The following DAB1 variants were observed in gnomAD, a reference collection of about 807,000 sequenced individuals.
DAB1 encodes disabled homolog 1.
DAB1 carries 15 observed loss-of-function variants against 64.6 expected under a neutral mutation model. The observed-to-expected ratio is 0.23, with a 90% CI of 0.16 to 0.36. The LOEUF is 0.36. Among genes scored for constraint, DAB1 ranks in the 10% least tolerant of loss-of-function variants. DAB1 has a pLI of 1.00. For synonymous variants in DAB1, 235 were observed against 251.9 expected (o/e 0.93, Z 0.64); for missense variants, 596 against 706.7 (o/e 0.84, Z 1.78).
intron 7 of DAB1, among the ~76,000 whole-genome samples, chr1:57,507,101 G>A (rs990259981): frequency 5.9e-5 from 9 of 151,984 alleles, no homozygotes; most frequent in Non-Finnish European, 1.0e-4. Context: ...AAACGTAATG[G>A]CTCCCCACTG....
At chr1:58,035,533 C>A (rs1178088901) in intron 5 of DAB1, among the ~76,000 whole-genome samples, 1 of 152,170 alleles carries the variant, frequency 6.6e-6, no homozygotes. Flanking sequence ...GAAACTGAGG[C>A]CCAAAGAGGA....
chr1:57,709,943 A>G (rs949776392), intron 6 of DAB1, among the ~76,000 whole-genome samples: 6 of 152,106 alleles, frequency 3.9e-5, no homozygotes, highest in African/African-American at 1.4e-4. Context: ...GCAAGTTTCC[A>G]GCTTGCTTTT....
At chr1:57,592,531 G>A (rs1186485879) in intron 7 of DAB1, among the ~76,000 whole-genome samples, 1 of 151,972 alleles carries the variant, frequency 6.6e-6, no homozygotes, top group South Asian at 2.1e-4. Context: ...CCACATTAGT[G>A]AGGAGTCTTC....
intron 7 of DAB1, among the ~76,000 whole-genome samples, chr1:57,444,661 A>G (rs1349142477): frequency 6.6e-6 from 1 of 152,220 alleles, no homozygotes; most frequent in Non-Finnish European, 1.5e-5. Flanking sequence ...AACAGAGAGA[A>G]GAGGAAGAGG....
chr1:58,454,513 G>A (rs544344851), intron 3 of DAB1, among the ~76,000 whole-genome samples: 4 of 152,272 alleles, frequency 2.6e-5, no homozygotes, highest in African/African-American at 7.2e-5. Context: ...AAGCTTTGTC[G>A]ACGGATGTCA....
At chr1:57,438,676 G>A (rs954063225) in intron 7 of DAB1, among the ~76,000 whole-genome samples, 3 of 152,098 alleles carry the variant, frequency 2.0e-5, no homozygotes, top group African/African-American at 4.8e-5. Context: ...TATCCAAAGG[G>A]ATAGTAACAT....
At chr1:57,184,424 A>C (rs1298357224) in intron 2 of DAB1, among the ~76,000 whole-genome samples, 2 of 152,166 alleles carry the variant, frequency 1.3e-5, no homozygotes, top group East Asian at 3.9e-4. Flanking sequence ...CTTGAAGTGC[A>C]TACCTGATCA....
chr1:57,363,943 G>GT (rs1190195235), intron 1 of DAB1, among the ~76,000 whole-genome samples: 2 of 152,104 alleles, frequency 1.3e-5, no homozygotes, highest in Non-Finnish European at 2.9e-5. Flanking sequence ...GTCCTAGAGA[G>GT]TTTTTTTAAA....
At chr1:57,301,551 A>C (rs1439656457) in intron 1 of DAB1, among the ~76,000 whole-genome samples, 1 of 152,210 alleles carries the variant, frequency 6.6e-6, no homozygotes, top group Non-Finnish European at 1.5e-5. Context: ...AAAGACAAGT[A>C]TTTAACATGG....
At chr1:57,311,055 C>T (rs185692204) in intron 1 of DAB1, among the ~76,000 whole-genome samples, 11 of 152,088 alleles carry the variant, frequency 7.2e-5, no homozygotes, top group Non-Finnish European at 1.0e-4. Flanking sequence ...GACAGACAAG[C>T]GGCAGAACTC....
chr1:57,519,178 T>G (rs1300533488), intron 7 of DAB1, among the ~76,000 whole-genome samples: 1 of 152,198 alleles, frequency 6.6e-6, no homozygotes, highest in Non-Finnish European at 1.5e-5. Flanking sequence ...CTGTTCTTAA[T>G]GCTGCATTTG....
intron 3 of DAB1, among the ~76,000 whole-genome samples, chr1:58,454,539 G>A (rs1001129901): frequency 1.3e-5 from 2 of 152,174 alleles, no homozygotes; most frequent in African/African-American, 4.8e-5. Context: ...GGCTAGGGGC[G>A]GGTGCAGGGG....
At chr1:57,812,256 T>G (rs1651658652) in intron 6 of DAB1, among the ~76,000 whole-genome samples, 1 of 142,158 alleles carries the variant, frequency 7.0e-6, no homozygotes, top group Non-Finnish European at 1.5e-5. Context: ...GAAACAGCTC[T>G]CAAGAAGTCT....
chr1:58,217,403 C>T (rs528977113), intron 4 of DAB1, among the ~76,000 whole-genome samples: 151 of 152,284 alleles, frequency 9.9e-4, no homozygotes, highest in Non-Finnish European at 1.7e-3. Flanking sequence ...CCAGGGGTAG[C>T]CCAGAAGACA....
In DAB1 at chr1:56,998,144, C is replaced by A. The variant is rs1322506054; in HGVS notation, c.*16-16G>T. 6.6e-6 allele frequency: 1 copy of A among 152,610 alleles called. No homozygotes were observed. The highest frequency in any genetic ancestry group is 1.5e-5 in the Non-Finnish European group (1 of 68,050). 9.5% of individuals were successfully genotyped at this position (152,610 alleles called of 1,614,324 possible). On this transcript the variant is annotated splice_polypyrimidine_tract_variant and intron_variant, in intron 14 of 14. Coordinates refer to ENST00000371236, the MANE Select transcript of DAB1 (RefSeq NM_001365792.1). ...GCTCTGGCTCCTGTGGATAAAGGAA[C>A]AAAGTGAGGCCTGCTCTTTACACTT...
At chr1:57,227,224 ATAT>A (rs751598447) in intron 2 of DAB1, among the ~76,000 whole-genome samples, 10 of 152,164 alleles carry the variant, frequency 6.6e-5, no homozygotes, top group Non-Finnish European at 1.5e-4. Context: ...GAATTGAAAT[ATAT>A]TACTTCACCC....
chr1:57,981,616 A>G (rs1646067403), intron 5 of DAB1, among the ~76,000 whole-genome samples: 1 of 152,146 alleles, frequency 6.6e-6, no homozygotes, highest in South Asian at 2.1e-4. Flanking sequence ...ATCTTTCAAT[A>G]TCCTGGCTTT....
chr1:58,333,142 T>C (rs1198199194), intron 4 of DAB1, among the ~76,000 whole-genome samples: 1 of 152,158 alleles, frequency 6.6e-6, no homozygotes, highest in Non-Finnish European at 1.5e-5. Context: ...ACTCCAGACC[T>C]GTTTATTTTT....
intron 4 of DAB1, among the ~76,000 whole-genome samples, chr1:57,097,984 A>G (rs575605839): frequency 1.3e-5 from 2 of 152,136 alleles, no homozygotes; most frequent in South Asian, 4.2e-4. Flanking sequence ...TCACCGTGTT[A>G]GCCAGGATGG....
Sources: allele counts gnomAD v4.1 joint callset (sites outside exome capture counted in the v4.1 genomes callset), GRCh38; gene constraint gnomAD v4.1.1; transcripts MANE v1.5; gene names NCBI Gene and HGNC (gene_info 2026-07-23, HGNC 2026-07-21).